CNTN4: variants seen among roughly 807,000 people sequenced by gnomAD.
CNTN4 encodes contactin 4.
CNTN4 carries 77 observed loss-of-function variants against 122.5 expected under a neutral mutation model. The ratio of observed to expected loss-of-function variants is 0.63; its 90% CI spans 0.52 to 0.76. The LOEUF is 0.76. Ranked by LOEUF, CNTN4 falls within the 30% of genes least tolerant of loss-of-function variation. The pLI is 0.00. For synonymous variants in CNTN4, 512 were observed against 447.0 expected (o/e 1.15, Z -1.83); for missense variants, 1,256 against 1,259.1 (o/e 1.00, Z 0.04).
intron 4 of CNTN4, among the ~76,000 whole-genome samples, chr3:2,665,005 C>T (rs1289204171): frequency 6.6e-6 from 1 of 152,126 alleles, no homozygotes; most frequent in African/African-American, 2.4e-5. Flanking sequence ...CCAATAACAA[C>T]CATTCTTCAC....
At chr3:2,358,865 G>T (rs1559483717) in intron 3 of CNTN4, among the ~76,000 whole-genome samples, 1 of 152,174 alleles carries the variant, frequency 6.6e-6, no homozygotes, top group Non-Finnish European at 1.5e-5. Flanking sequence ...ACCAGAGGAT[G>T]TCATGAATGA....
intron 3 of CNTN4, among the ~76,000 whole-genome samples, chr3:2,430,371 A>C (rs2648686): frequency 0.31 from 45,704 of 149,550 alleles, 7,352 homozygotes; most frequent in Admixed American, 0.39. Flanking sequence ...GCAGTGAGCC[A>C]AGATTGGGCC....
intron 4 of CNTN4, among the ~76,000 whole-genome samples, chr3:2,712,335 A>G (rs899694976): frequency 6.6e-6 from 1 of 152,194 alleles, no homozygotes; most frequent in Non-Finnish European, 1.5e-5. Flanking sequence ...ATAAATTATT[A>G]CTTGAACAAC....
chr3:2,255,167 G>A (rs989187165), intron 2 of CNTN4, among the ~76,000 whole-genome samples: 2 of 152,196 alleles, frequency 1.3e-5, no homozygotes, highest in South Asian at 4.2e-4. Context: ...GCTTGTTTTT[G>A]TCAGGTTAGT....
intron 2 of CNTN4, among the ~76,000 whole-genome samples, chr3:2,195,554 T>G (rs1226702850): frequency 1.3e-5 from 2 of 152,252 alleles, no homozygotes; most frequent in Non-Finnish European, 2.9e-5. Flanking sequence ...AATATAGAAT[T>G]TTGTAGCCTA....
At chr3:2,233,737 T>C (rs1197913673) in intron 2 of CNTN4, among the ~76,000 whole-genome samples, 1 of 152,000 alleles carries the variant, frequency 6.6e-6, no homozygotes, top group African/African-American at 2.4e-5. Flanking sequence ...GACATGAAGG[T>C]CATCTAGCTT....
intron 3 of CNTN4, among the ~76,000 whole-genome samples, chr3:2,364,280 G>A (rs979651898): frequency 6.6e-6 from 1 of 152,134 alleles, no homozygotes; most frequent in Admixed American, 6.5e-5. Flanking sequence ...TTGTTGTCTC[G>A]ATATTTATAA....
intron 6 of CNTN4, among the ~76,000 whole-genome samples, chr3:2,772,284 A>G (rs12330913): frequency 0.82 from 123,245 of 150,046 alleles, 51,823 homozygotes; most frequent in Non-Finnish European, 0.9. Context: ...ATCGCAGGCA[A>G]GAAATAATAA....
At chr3:2,856,614 G>A (rs1455563016) in intron 7 of CNTN4, among the ~76,000 whole-genome samples, 6 of 152,188 alleles carry the variant, frequency 3.9e-5, no homozygotes, top group African/African-American at 7.2e-5. Flanking sequence ...AGATGGACGG[G>A]CACAGCCCTC....
chr3:3,007,820 T>A (rs1309032893), intron 14 of CNTN4, among the ~76,000 whole-genome samples: 1 of 152,198 alleles, frequency 6.6e-6, no homozygotes, highest in African/African-American at 2.4e-5. Context: ...GACACTGGGC[T>A]ATCATATAAT....
At chr3:2,444,589 G>T (rs2048553916) in intron 3 of CNTN4, among the ~76,000 whole-genome samples, 1 of 152,104 alleles carries the variant, frequency 6.6e-6, no homozygotes, top group Non-Finnish European at 1.5e-5. Context: ...GCCTTGTTGG[G>T]TGACATAAGA....
intron 3 of CNTN4, among the ~76,000 whole-genome samples, chr3:2,550,077 G>A (rs1277680369): frequency 2.0e-5 from 3 of 152,002 alleles, no homozygotes; most frequent in Admixed American, 6.6e-5. Flanking sequence ...GTGCCTATTT[G>A]ATTCTTCTCT....
chr3:2,680,399 T>C (rs2085101814), intron 4 of CNTN4, among the ~76,000 whole-genome samples: 2 of 152,134 alleles, frequency 1.3e-5, no homozygotes, highest in Non-Finnish European at 2.9e-5. Flanking sequence ...TTGTCAAAGA[T>C]TGGAAAACAT....
At chr3:2,389,250 A>G (rs2046358346) in intron 3 of CNTN4, among the ~76,000 whole-genome samples, 1 of 151,228 alleles carries the variant, frequency 6.6e-6, no homozygotes. Flanking sequence ...TTTCACCGTG[A>G]TCTATCTTCA....
chr3:2,798,293 GTATA>G (rs60471993), intron 6 of CNTN4, among the ~76,000 whole-genome samples: 15 of 126,658 alleles, frequency 1.2e-4, no homozygotes, highest in African/African-American at 3.8e-4. Context: ...GTGTGTGTGT[GTATA>G]TATATATATG....
At chr3:3,043,259 A>G in intron 22 of CNTN4, 96 bp downstream of exon 22, 2 of 1,169,994 alleles carry the variant, frequency 1.7e-6, no homozygotes, top group Non-Finnish European at 2.5e-6. Context: ...TTTGCATACT[A>G]ATTAGTAGCA....
chr3:2,317,230 G>A (rs543599835), intron 2 of CNTN4, among the ~76,000 whole-genome samples: 109 of 152,308 alleles, frequency 7.2e-4, no homozygotes, highest in African/African-American at 2.6e-3. Flanking sequence ...TCATAAAGAA[G>A]ACAAGTTTGC....
intron 13 of CNTN4, among the ~76,000 whole-genome samples, chr3:2,951,755 G>A (rs931812646): frequency 6.6e-6 from 1 of 152,112 alleles, no homozygotes; most frequent in African/African-American, 2.4e-5. Context: ...TATTTTCATT[G>A]CAAATTCCTT....
chr3:3,038,865 A>C, intron 18 of CNTN4, 68 bp from the exon 19 acceptor site: 1 of 1,357,378 alleles, frequency 7.4e-7, no homozygotes. Flanking sequence ...CACCTCTGCC[A>C]GGCAACCTTC....
Sources: allele counts gnomAD v4.1 joint callset (sites outside exome capture counted in the v4.1 genomes callset), GRCh38; gene constraint gnomAD v4.1.1; transcripts MANE v1.5; gene names NCBI Gene and HGNC (gene_info 2026-07-23, HGNC 2026-07-21).